Variants in FARS2 observed in about 807,000 individuals in gnomAD.
The protein encoded by FARS2 is phenylalanyl-tRNA synthetase 2, mitochondrial, also known as phenylalanine--tRNA ligase, mitochondrial.
A neutral mutation model predicts 46.4 loss-of-function variants in FARS2; 40 were observed. The observed-to-expected ratio is 0.86, with a 90% CI of 0.67 to 1.12. FARS2 has a LOEUF of 1.12. Among genes scored for constraint, FARS2 ranks in the 50% most tolerant of loss-of-function variants. FARS2 has a pLI of 0.00. For synonymous variants in FARS2, 234 were observed against 214.9 expected, an observed-to-expected ratio of 1.09 and a Z score of -0.78; for missense variants, 513 against 567.9, an observed-to-expected ratio of 0.90 and a Z score of 0.98.
intron 4 of FARS2, among the ~76,000 whole-genome samples, chr6:5,542,913 T>C (rs1304599455): frequency 5.3e-5 from 8 of 152,258 alleles, no homozygotes; most frequent in Admixed American, 4.6e-4. Flanking sequence ...TCTGTTGATT[T>C]CTGATTTATT....
intron 6 of FARS2, among the ~76,000 whole-genome samples, chr6:5,614,411 C>CTTTTTTTTTTTTTTTTTTT (rs199992978): frequency 7.2e-6 from 1 of 139,474 alleles, no homozygotes; most frequent in African/African-American, 2.7e-5. Flanking sequence ...CCTTCTTTGT[C>CTTTTTTTTTTTTTTTTTTT]TTTTTTTTTT....
chr6:5,771,259 C>A, intron 6 of FARS2, 32 bp from the exon 7 acceptor site: 1 of 1,613,402 alleles, frequency 6.2e-7, no homozygotes, highest in South Asian at 1.1e-5. Context: ...TTGTTCATCC[C>A]GCACTCACCT....
At chr6:5,436,676 T>C (rs938140555) in intron 4 of FARS2, among the ~76,000 whole-genome samples, 1 of 152,172 alleles carries the variant, frequency 6.6e-6, no homozygotes, top group Non-Finnish European at 1.5e-5. Context: ...AAGGAGATGG[T>C]CTTTGAATTG....
rs151303507 is a variant in FARS2 at position 5,295,139 on chromosome 6, C to A, written c.-22+33479C>A. Among the ~76,000 whole-genome samples the A allele has an allele frequency of 2.1e-3, 316 of 152,284 alleles. 2 individuals are homozygous for A. Among genetic ancestry groups the A allele is most frequent in the African/African-American group, 7.3e-3 (305 of 41,568 alleles). On this transcript the variant is annotated intron_variant, in intron 1 of 6. Transcript: ENST00000274680. ...TTGGAGAGTGGCACGAGGCAGCAGT[C>A]TGTGGAGAGCTAGGATTTCTCAGGA...
At chr6:5,689,187 G>T (rs1190432696) in intron 6 of FARS2, among the ~76,000 whole-genome samples, 2 of 152,018 alleles carry the variant, frequency 1.3e-5, no homozygotes. Context: ...AGGGTTTTTT[G>T]TGTCTCTATT....
chr6:5,404,185 TG>T (rs1339458110), intron 2 of FARS2, among the ~76,000 whole-genome samples: 7 of 152,186 alleles, frequency 4.6e-5, no homozygotes, highest in Non-Finnish European at 7.3e-5. Context: ...CACTGTGGGA[TG>T]GTCAGGGATG....
chr6:5,524,822 T>C (rs1582351252), intron 4 of FARS2, among the ~76,000 whole-genome samples: 1 of 152,290 alleles, frequency 6.6e-6, no homozygotes, highest in Non-Finnish European at 1.5e-5. Flanking sequence ...ACTCTTTCGA[T>C]AGGTGAATAG....
At chr6:5,594,949 C>T (rs992474066) in intron 5 of FARS2, among the ~76,000 whole-genome samples, 6 of 152,330 alleles carry the variant, frequency 3.9e-5, no homozygotes, top group African/African-American at 1.4e-4. Context: ...AGCCCTTTCT[C>T]CTCTGTCCGG....
chr6:5,711,660 C>T (rs1269829144), intron 6 of FARS2, among the ~76,000 whole-genome samples: 1 of 152,142 alleles, frequency 6.6e-6, no homozygotes, highest in African/African-American at 2.4e-5. Context: ...AGACACATGT[C>T]AATAGAGGGC....
In FARS2 at chr6:5,294,366, C is replaced by T. The variant is rs139447070; in HGVS notation, c.-22+32706C>T. ...GTGTGTAGGGGAAACTCTCTAACTGCGTTTTTCCTCTACTCTTCACACTAC... is the reference window on the plus strand; with the variant it reads ...GTGTGTAGGGGAAACTCTCTAACTGTGTTTTTCCTCTACTCTTCACACTAC... On this transcript the variant is annotated intron_variant, in intron 1 of 6. Coordinates refer to ENST00000274680, the MANE Select transcript of FARS2 (RefSeq NM_006567.5). 2.1e-3 allele frequency among the ~76,000 whole-genome samples: 318 copies of T among 152,174 alleles called. 2 individuals are homozygous for T. Among genetic ancestry groups the T allele is most frequent in the African/African-American group, 7.4e-3 (306 of 41,502 alleles).
intron 4 of FARS2, among the ~76,000 whole-genome samples, chr6:5,500,933 C>CGA (rs58128430): frequency 0.03 from 4,323 of 143,556 alleles, 85 homozygotes; most frequent in East Asian, 0.083. Context: ...TTCAAATCCC[C>CGA]GAGAGAGAGA....
chr6:5,665,183 CGA>C (rs1778050330), intron 6 of FARS2: 1 of 152,260 alleles, frequency 6.6e-6, no homozygotes, highest in Non-Finnish European at 1.5e-5. Flanking sequence ...CCAAAAACCC[CGA>C]TGGCCAGGAT....
chr6:5,643,904 A>G (rs1449350482), intron 6 of FARS2, among the ~76,000 whole-genome samples: 1 of 152,214 alleles, frequency 6.6e-6, no homozygotes, highest in Non-Finnish European at 1.5e-5. Context: ...GGTGAAGGCC[A>G]TTTGGTCTCT....
chr6:5,427,242 C>T (rs1009812548), intron 3 of FARS2, among the ~76,000 whole-genome samples: 4 of 152,092 alleles, frequency 2.6e-5, no homozygotes, highest in East Asian at 1.9e-4. Context: ...TCTTTCTCAC[C>T]GTATACAAAC....
intron 4 of FARS2, among the ~76,000 whole-genome samples, chr6:5,437,647 A>G (rs780239232): frequency 3.9e-5 from 6 of 152,088 alleles, no homozygotes; most frequent in Non-Finnish European, 7.4e-5. Context: ...CATTTATATT[A>G]CAATATCCAT....
intron 6 of FARS2, among the ~76,000 whole-genome samples, chr6:5,749,099 G>A (rs1761799225): frequency 1.3e-5 from 2 of 152,188 alleles, no homozygotes; most frequent in African/African-American, 4.8e-5. Context: ...AGATGAGCTG[G>A]TCCAAAAGGG....
At chr6:5,418,225 T>G (rs1412855516) in intron 3 of FARS2, among the ~76,000 whole-genome samples, 1 of 152,256 alleles carries the variant, frequency 6.6e-6, no homozygotes, top group South Asian at 2.1e-4. Flanking sequence ...GTATTATGTA[T>G]TTTGTTTCTA....
chr6:5,493,018 A>AT (rs1013208817), intron 4 of FARS2, among the ~76,000 whole-genome samples: 143 of 151,950 alleles, frequency 9.4e-4, no homozygotes, highest in African/African-American at 3.4e-3. Flanking sequence ...CTTTGGATTG[A>AT]TTTTTTCTGC....
Position 5,545,283 on chromosome 6 carries a change from C to T in FARS2, c.1008C>T (p.Asp336=), listed in dbSNP as rs145770549. The part of the protein sequence containing the change: ...IPDIRLFWCE[D]ERFLKQFCVS... Reference sequence around the variant, plus strand: ...ATATCCGTCTCTTCTGGTGTGAGGACGAGCGCTTCCTGAAGCAGTTCTGTG... The same window carrying T: ...ATATCCGTCTCTTCTGGTGTGAGGATGAGCGCTTCCTGAAGCAGTTCTGTG... Residue 336 remains aspartate, a synonymous_variant, in exon 5 of 7, where the codon GAC becomes GAT. Coordinates refer to ENST00000274680, the MANE Select transcript of FARS2 (RefSeq NM_006567.5). 53 of 1,613,992 alleles carry T rather than the reference C, an allele frequency of 3.3e-5. No homozygotes were observed. The highest frequency in any genetic ancestry group is 1.6e-4 in the Middle Eastern group (1 of 6,062).
Sources: gnomAD v4.1 joint callset for allele counts (sites outside exome capture counted in the v4.1 genomes callset) on GRCh38, gnomAD v4.1.1 for gene constraint, MANE v1.5 for transcripts, NCBI Gene and HGNC (gene_info 2026-07-23, HGNC 2026-07-21) for gene names.